Variants in RIN3 observed in about 807,000 individuals in gnomAD.
RIN3 encodes Ras and Rab interactor 3.
Under a neutral mutation model 76.3 loss-of-function variants are expected in RIN3, and 54 were observed. That is an observed-to-expected ratio of 0.71 (90% CI 0.57 to 0.89). The LOEUF is 0.89. Ranked by LOEUF, RIN3 falls within the 40% of genes least tolerant of loss-of-function variation. RIN3 has a pLI of 0.00. For synonymous variants in RIN3, 576 were observed against 564.0 expected, an observed-to-expected ratio of 1.02 and a Z score of -0.30; for missense variants, 1,256 against 1,322.1, an observed-to-expected ratio of 0.95 and a Z score of 0.78.
chr14:92,597,251 T>C (rs139256559), intron 3 of RIN3, among the ~76,000 whole-genome samples: 1 of 152,324 alleles, frequency 6.6e-6, no homozygotes, highest in East Asian at 1.9e-4. Flanking sequence ...TAAATTTCAA[T>C]CAGGGCATGA....
At chr14:92,664,047 C>T (rs766391969) in intron 7 of RIN3, among the ~76,000 whole-genome samples, 6 of 152,110 alleles carry the variant, frequency 3.9e-5, no homozygotes, top group Non-Finnish European at 7.4e-5. Context: ...CTCCCAGCCA[C>T]GTTCCCAACA....
intron 3 of RIN3, among the ~76,000 whole-genome samples, chr14:92,602,687 C>A (rs1404423694): frequency 1.3e-5 from 2 of 152,142 alleles, no homozygotes; most frequent in Non-Finnish European, 2.9e-5. Flanking sequence ...TCAGGAGGCT[C>A]GAATTTACGC....
chr14:92,602,300 G>T (rs907702074), intron 3 of RIN3, among the ~76,000 whole-genome samples: 2 of 152,240 alleles, frequency 1.3e-5, no homozygotes, highest in Non-Finnish European at 2.9e-5. Context: ...CTCACCAAGG[G>T]ATCACCTGGG....
At chr14:92,530,400 A>G (rs1412148118) in intron 1 of RIN3, among the ~76,000 whole-genome samples, 2 of 152,232 alleles carry the variant, frequency 1.3e-5, no homozygotes, top group African/African-American at 4.8e-5. Flanking sequence ...GGAGTAGTGT[A>G]TCAATCAAGG....
At chr14:92,526,864 C>T (rs972456042) in intron 1 of RIN3, among the ~76,000 whole-genome samples, 4 of 152,036 alleles carry the variant, frequency 2.6e-5, no homozygotes, top group Non-Finnish European at 5.9e-5. Flanking sequence ...GCCTTGGAGG[C>T]CAGAAGTCTG....
At chr14:92,577,570 C>A in intron 3 of RIN3, 93 bp downstream of exon 3, 1 of 698,258 alleles carries the variant, frequency 1.4e-6, no homozygotes, top group Non-Finnish European at 2.5e-6. Flanking sequence ...CCCCTGTATG[C>A]ACTGATGGTG....
chr14:92,589,694 A>G (rs982213550), intron 3 of RIN3, among the ~76,000 whole-genome samples: 4 of 152,220 alleles, frequency 2.6e-5, no homozygotes, highest in Non-Finnish European at 4.4e-5. Flanking sequence ...TTGTGCAATA[A>G]TAGTGCCTGG....
intron 1 of RIN3, chr14:92,515,511 A>ACTACCC (rs1896416400): frequency 1.5e-5 from 7 of 478,916 alleles, no homozygotes; most frequent in Non-Finnish European, 2.2e-5. Flanking sequence ...AATAATAGTA[A>ACTACCC]CTACCCCTTA....
intron 2 of RIN3, chr14:92,576,513 TG>T (rs1898237544): frequency 1.2e-6 from 1 of 820,666 alleles, no homozygotes; most frequent in Non-Finnish European, 1.8e-6. Context: ...AGAGGCCTCA[TG>T]GCATGGAGGT....
chr14:92,615,512 G>T (rs763790178), intron 4 of RIN3, 33 bp downstream of exon 4: 3 of 1,579,114 alleles, frequency 1.9e-6, no homozygotes, highest in Non-Finnish European at 2.6e-6. Flanking sequence ...GAGGTTATCT[G>T]GTTGTAGCAA....
intron 3 of RIN3, among the ~76,000 whole-genome samples, chr14:92,582,461 T>TTTTTTTC (rs1491278203): frequency 7.3e-6 from 1 of 137,138 alleles, no homozygotes; most frequent in Non-Finnish European, 1.5e-5. Flanking sequence ...TTTTTTTTTT[T>TTTTTTTC]CCCTGAGATG....
At chr14:92,586,305 C>T (rs1312260827) in intron 3 of RIN3, 1 of 152,206 alleles carries the variant, frequency 6.6e-6, no homozygotes, top group Non-Finnish European at 1.5e-5. Context: ...GCAGTTCATA[C>T]CACAAAACCC....
chr14:92,560,790 G>C (rs903403174), intron 2 of RIN3, among the ~76,000 whole-genome samples: 1 of 151,648 alleles, frequency 6.6e-6, no homozygotes, highest in South Asian at 2.1e-4. Flanking sequence ...AGGCCAAGGC[G>C]GGTGGATCAC....
At chr14:92,686,953 G>C (rs1370999302) in intron 9 of RIN3, 1 of 152,236 alleles carries the variant, frequency 6.6e-6, no homozygotes, top group East Asian at 1.9e-4. Flanking sequence ...TGAAGCTCTT[G>C]ACAGGAGCCC....
At chr14:92,626,954 C>T (rs2140115644) in intron 4 of RIN3, among the ~76,000 whole-genome samples, 1 of 152,306 alleles carries the variant, frequency 6.6e-6, no homozygotes, top group East Asian at 1.9e-4. Context: ...CAGACCCAAT[C>T]CTCATCTGAT....
chr14:92,592,400 CAAAAA>C (rs35193465), intron 3 of RIN3, among the ~76,000 whole-genome samples: 1 of 75,904 alleles, frequency 1.3e-5, no homozygotes, highest in African/African-American at 5.0e-5. Context: ...GACTCTGTCT[CAAAAA>C]AAAAAAAAAA....
intron 7 of RIN3, among the ~76,000 whole-genome samples, chr14:92,672,883 A>C (rs1430071573): frequency 6.6e-6 from 1 of 152,108 alleles, no homozygotes; most frequent in East Asian, 1.9e-4. Flanking sequence ...GGGTTTGCTT[A>C]TTCTGGACGT....
chr14:92,627,026 A>C lies in RIN3; in HGVS notation c.440+11547A>C, dbSNP rs542955160. Among the ~76,000 whole-genome samples, 3 of 152,282 alleles carry C rather than the reference A, an allele frequency of 2.0e-5. No homozygotes were observed. In the South Asian group the frequency reaches 6.2e-4, roughly 32 times the overall value. On this transcript the variant is annotated intron_variant, in intron 4 of 9. Coordinates refer to ENST00000216487, the MANE Select transcript of RIN3 (RefSeq NM_024832.5). ...GGTTCCTTGGCCCAAATGAAACAAC[A>C]ATATTTTATCATCTGTTGCTTTTTC... is the stretch of plus-strand genomic sequence containing the variant.
intron 4 of RIN3, among the ~76,000 whole-genome samples, chr14:92,634,862 A>C (rs1048183738): frequency 6.6e-6 from 1 of 151,722 alleles, no homozygotes; most frequent in Non-Finnish European, 1.5e-5. Context: ...TATCTAAAAA[A>C]AAAAAAAAAA....
Sources: gnomAD v4.1 joint callset for allele counts (sites outside exome capture counted in the v4.1 genomes callset) on GRCh38, gnomAD v4.1.1 for gene constraint, MANE v1.5 for transcripts, NCBI Gene and HGNC (gene_info 2026-07-23, HGNC 2026-07-21) for gene names.